Variants in NECTIN3 observed in about 807,000 individuals in gnomAD.
NECTIN3 encodes the protein nectin cell adhesion molecule 3.
NECTIN3 carries 8 observed loss-of-function variants against 49.4 expected under a neutral mutation model. The ratio of observed to expected loss-of-function variants is 0.16; its 90% CI spans 0.10 to 0.29. The LOEUF (loss-of-function observed/expected upper bound fraction) is 0.29. Among genes scored for constraint, NECTIN3 ranks in the 10% least tolerant of loss-of-function variants. The pLI is 1.00. For synonymous variants in NECTIN3, 277 were observed against 241.1 expected (o/e 1.15, Z -1.38); for missense variants, 581 against 654.6 (o/e 0.89, Z 1.23).
chr3:111,119,664 T>G (rs1451286775), intron 3 of NECTIN3, among the ~76,000 whole-genome samples: 1 of 152,182 alleles, frequency 6.6e-6, no homozygotes, highest in African/African-American at 2.4e-5. Flanking sequence ...GCATATTAAT[T>G]AGTTTGAAAA....
intron 2 of NECTIN3, among the ~76,000 whole-genome samples, chr3:111,117,534 A>G (rs2033738294): frequency 6.6e-6 from 1 of 152,130 alleles, no homozygotes; most frequent in Non-Finnish European, 1.5e-5. Context: ...GTTATTTTAC[A>G]GTAATGCATC....
At chr3:111,150,500 A>G (rs1240215807) in intron 7 of NECTIN3, among the ~76,000 whole-genome samples, 1 of 151,902 alleles carries the variant, frequency 6.6e-6, no homozygotes, top group African/African-American at 2.4e-5. Context: ...TAATTTTTCT[A>G]TGTGATGAAA....
chr3:111,155,556 T>C (rs1366417513), intron 7 of NECTIN3, among the ~76,000 whole-genome samples: 2 of 152,206 alleles, frequency 1.3e-5, no homozygotes, highest in Non-Finnish European at 2.9e-5. Flanking sequence ...AGCTGAACTA[T>C]TATAAATGTT....
chr3:111,086,333 T>C (rs1294686662), intron 1 of NECTIN3, among the ~76,000 whole-genome samples: 1 of 152,188 alleles, frequency 6.6e-6, no homozygotes, highest in Non-Finnish European at 1.5e-5. Flanking sequence ...AATTAATTTG[T>C]TGTGTTTTTG....
intron 2 of NECTIN3, 152 bp downstream of exon 2, chr3:111,112,523 A>G (rs189494220): frequency 2.7e-5 from 16 of 599,954 alleles, no homozygotes; most frequent in Middle Eastern, 4.6e-4. Flanking sequence ...CTTAAAATTT[A>G]TGATTCTAGG....
chr3:111,089,531 AAATTTCCGTGTCGTC>A (rs1402774126), intron 1 of NECTIN3, among the ~76,000 whole-genome samples: 1 of 152,030 alleles, frequency 6.6e-6, no homozygotes, highest in Non-Finnish European at 1.5e-5. Flanking sequence ...GAACATTTTG[AAATTTCCGTGTCGTC>A]TTTTTGACTC....
In NECTIN3 at chr3:111,160,470, T is replaced by C. The variant is rs536542396; in HGVS notation, c.1221+12986T>C. ...ACCAAAGTGATAAGACTCAAAACAA[T>C]AGTAAAAGGAAATAGCCAAACCCAG... On this transcript the variant is annotated intron_variant, in intron 7 of 8. Coordinates refer to the NECTIN3 transcript ENST00000493615. 7.2e-5 allele frequency among the ~76,000 whole-genome samples: 11 copies of C among 152,264 alleles called. No homozygotes were observed. The East Asian group carries it at 1.9e-3, about 27-fold the overall frequency.
chr3:111,072,462 G>T, intron 1 of NECTIN3: 1 of 1,535,580 alleles, frequency 6.5e-7, no homozygotes, highest in South Asian at 1.2e-5. Context: ...CCGAACTCCG[G>T]GTTTGCTCCG....
intron 2 of NECTIN3, among the ~76,000 whole-genome samples, chr3:111,114,386 A>G (rs2033601851): frequency 6.6e-6 from 1 of 151,976 alleles, no homozygotes; most frequent in Admixed American, 6.6e-5. Flanking sequence ...CCCAAATCTG[A>G]TACTTTTTTG....
chr3:111,101,422 T>C (rs2032900856), intron 1 of NECTIN3, among the ~76,000 whole-genome samples: 1 of 152,158 alleles, frequency 6.6e-6, no homozygotes, highest in Non-Finnish European at 1.5e-5. Flanking sequence ...AAAATATTTT[T>C]GTAGAAATTT....
chr3:111,193,449 A>G, intron 1 of NECTIN3: 2 of 1,435,302 alleles, frequency 1.4e-6, no homozygotes, highest in Non-Finnish European at 1.9e-6. Context: ...GCTAAGGCCA[A>G]TAGTTATTTT....
chr3:111,082,715 G>A (rs1417806617), intron 1 of NECTIN3, among the ~76,000 whole-genome samples: 1 of 152,122 alleles, frequency 6.6e-6, no homozygotes, highest in African/African-American at 2.4e-5. Context: ...GTTTTGGGAT[G>A]ATTGAAGTGC....
intron 7 of NECTIN3, among the ~76,000 whole-genome samples, chr3:111,172,128 A>G (rs2035445311): frequency 6.6e-6 from 1 of 152,226 alleles, no homozygotes; most frequent in East Asian, 1.9e-4. Context: ...CTGTAATCTT[A>G]GTGCTTGTCG....
chr3:111,117,712 T>A lies in NECTIN3; in HGVS notation c.503-944T>A, dbSNP rs542968294. Among the ~76,000 whole-genome samples the A allele has an allele frequency of 6.9e-4, 103 of 150,014 alleles. 1 individual carries two copies. The highest frequency in any genetic ancestry group is 2.5e-3 in the African/African-American group (103 of 40,794). ...GAAGTCCTGGAAATGAAAAAAAAAA[T>A]CATTGAAATAAAAACTCAATGCACA... On this transcript the variant is annotated intron_variant, in intron 2 of 5. Transcript: ENST00000485303.
intron 1 of NECTIN3, among the ~76,000 whole-genome samples, chr3:111,082,196 A>G (rs553465443): frequency 1.3e-5 from 2 of 152,228 alleles, no homozygotes; most frequent in East Asian, 3.9e-4. Flanking sequence ...GGATTGATTA[A>G]TCAATCCAGT....
At chr3:111,147,470 A>G in exon 7 of NECTIN3, 2 of 1,525,882 alleles carry the variant, frequency 1.3e-6, no homozygotes, top group Non-Finnish European at 1.8e-6. Context: ...TTTGCCTCAG[A>G]AAGACCTATT....
chr3:111,193,258 G>C (rs2035845771), intron 1 of NECTIN3: 1 of 1,535,756 alleles, frequency 6.5e-7, no homozygotes, highest in Non-Finnish European at 8.7e-7. Flanking sequence ...GGGGAAGATG[G>C]CATTCAGCAG....
At chr3:111,157,653 A>C (rs1278394073) in intron 7 of NECTIN3, among the ~76,000 whole-genome samples, 2 of 152,120 alleles carry the variant, frequency 1.3e-5, no homozygotes, top group African/African-American at 4.8e-5. Context: ...AGTGGGGCTG[A>C]TACCTTGCAA....
chr3:111,100,757 G>A (rs931943886), intron 1 of NECTIN3, among the ~76,000 whole-genome samples: 2 of 145,978 alleles, frequency 1.4e-5, no homozygotes, highest in African/African-American at 5.6e-5. Flanking sequence ...TAATTCATTA[G>A]TATTTTAAAA....
Sources: gnomAD v4.1 joint callset for allele counts (sites outside exome capture counted in the v4.1 genomes callset) on GRCh38, gnomAD v4.1.1 for gene constraint, MANE v1.5 for transcripts, NCBI Gene and HGNC (gene_info 2026-07-23, HGNC 2026-07-21) for gene names.